Variants in CNTN1 observed in about 807,000 individuals in gnomAD.
CNTN1 encodes the protein contactin 1.
A neutral mutation model predicts 126.4 loss-of-function variants in CNTN1; 38 were observed. That is an observed-to-expected ratio of 0.30 (90% CI 0.23 to 0.39). The LOEUF is 0.39. Ranked by LOEUF, CNTN1 falls within the 10% of genes least tolerant of loss-of-function variation. CNTN1 has a pLI of 1.00. For synonymous variants in CNTN1, 413 were observed against 422.6 expected (o/e 0.98, Z 0.28); for missense variants, 1,009 against 1,248.4 (o/e 0.81, Z 2.89).
chr12:40,705,706 T>C (rs1430985367), intron 1 of CNTN1, among the ~76,000 whole-genome samples: 2 of 152,136 alleles, frequency 1.3e-5, no homozygotes, highest in African/African-American at 4.8e-5. Context: ...ACAAAATACC[T>C]GAGACTGGGT....
chr12:40,963,624 T>C (rs189532731), intron 15 of CNTN1, among the ~76,000 whole-genome samples: 1 of 152,182 alleles, frequency 6.6e-6, no homozygotes, highest in Admixed American at 6.5e-5. Flanking sequence ...TATGTTGCCT[T>C]ATATTGCCTT....
At chr12:40,963,359 A>G in intron 15 of CNTN1, among the ~76,000 whole-genome samples, 1 of 152,056 alleles carries the variant, frequency 6.6e-6, no homozygotes, top group East Asian at 1.9e-4. Flanking sequence ...TTTTTTTCCT[A>G]TGAAGAACAC....
intron 16 of CNTN1, among the ~76,000 whole-genome samples, chr12:40,986,804 T>C (rs1369573672): frequency 2.6e-5 from 4 of 152,178 alleles, no homozygotes; most frequent in Admixed American, 6.6e-5. Context: ...TGAGTACACA[T>C]GATGAAGGCC....
At chr12:40,899,893 G>T (rs886663869) in intron 1 of CNTN1, among the ~76,000 whole-genome samples, 11 of 151,916 alleles carry the variant, frequency 7.2e-5, no homozygotes, top group African/African-American at 2.2e-4. Flanking sequence ...GCAAAATACT[G>T]GTTTTTTAAA....
At chr12:40,949,046 T>A (rs1245371122) in intron 14 of CNTN1, among the ~76,000 whole-genome samples, 2 of 151,892 alleles carry the variant, frequency 1.3e-5, no homozygotes, top group Non-Finnish European at 2.9e-5. Flanking sequence ...TTTTCCTTTT[T>A]TAAAGAAAAA....
At chr12:40,979,771 A>G (rs1033174253) in intron 15 of CNTN1, among the ~76,000 whole-genome samples, 1 of 152,158 alleles carries the variant, frequency 6.6e-6, no homozygotes, top group Non-Finnish European at 1.5e-5. Context: ...TCAAAGCCCA[A>G]AAAGTTGTGT....
intron 1 of CNTN1, among the ~76,000 whole-genome samples, chr12:40,715,300 C>G (rs891536488): frequency 5.9e-5 from 9 of 152,106 alleles, no homozygotes; most frequent in East Asian, 1.9e-4. Flanking sequence ...TAAGTAGTAA[C>G]TTTAGTGCCA....
chr12:40,871,698 A>G (rs1253624179), intron 1 of CNTN1, among the ~76,000 whole-genome samples: 6 of 152,208 alleles, frequency 3.9e-5, no homozygotes, highest in African/African-American at 1.2e-4. Context: ...TACATTTCCA[A>G]AATAGAATTA....
intron 1 of CNTN1, among the ~76,000 whole-genome samples, chr12:40,733,688 AAATAT>A (rs1382236840): frequency 2.0e-5 from 3 of 152,034 alleles, no homozygotes; most frequent in Non-Finnish European, 4.4e-5. Flanking sequence ...AATACATTCT[AAATAT>A]TTTATATTTA....
At position 40,702,507 on chromosome 12, in the gene CNTN1, C is replaced by T. The variant is rs1029990510; in HGVS notation, c.-77+9915C>T. Reference sequence around the variant, plus strand: ...TTGCCCAGGCTGGAGTGCAATGGTGCGATCTCGGCTCCCCGCAACCTCTGC... The same window carrying T: ...TTGCCCAGGCTGGAGTGCAATGGTGTGATCTCGGCTCCCCGCAACCTCTGC... On this transcript the variant is annotated intron_variant, in intron 1 of 23. Coordinates refer to ENST00000551295, the MANE Select transcript of CNTN1 (RefSeq NM_001843.4). Among the ~76,000 whole-genome samples, 7 of 152,148 alleles carry T rather than the reference C, an allele frequency of 4.6e-5. No homozygotes were observed. In the East Asian group the frequency reaches 7.7e-4, roughly 17 times the overall value.
At chr12:40,946,377 T>C (rs762587943) in intron 14 of CNTN1, among the ~76,000 whole-genome samples, 7 of 152,142 alleles carry the variant, frequency 4.6e-5, no homozygotes, top group Non-Finnish European at 8.8e-5. Context: ...TCTTAAATAA[T>C]GATTTGGTAT....
chr12:40,695,427 C>G (rs571113649), intron 1 of CNTN1, among the ~76,000 whole-genome samples: 41 of 152,234 alleles, frequency 2.7e-4, no homozygotes, highest in African/African-American at 9.9e-4. Context: ...TATGTATTCT[C>G]TTGTATCTTG....
intron 1 of CNTN1, among the ~76,000 whole-genome samples, chr12:40,747,639 T>C (rs564627181): frequency 1.3e-5 from 2 of 151,980 alleles, no homozygotes; most frequent in Non-Finnish European, 2.9e-5. Context: ...GGATGGAGAA[T>C]AGCTTGCAGA....
intron 1 of CNTN1, among the ~76,000 whole-genome samples, chr12:40,720,737 G>A (rs1348085749): frequency 6.6e-6 from 1 of 152,006 alleles, no homozygotes; most frequent in Non-Finnish European, 1.5e-5. Flanking sequence ...GACCATCCTG[G>A]CCAACATGGT....
intron 16 of CNTN1, among the ~76,000 whole-genome samples, chr12:40,984,045 A>G (rs1172729786): frequency 2.7e-5 from 4 of 149,068 alleles, no homozygotes; most frequent in Non-Finnish European, 5.9e-5. Context: ...GATTAAATAT[A>G]TTACGCACAA....
At chr12:40,917,487 A>G (rs549195209) in intron 3 of CNTN1, among the ~76,000 whole-genome samples, 9 of 152,188 alleles carry the variant, frequency 5.9e-5, no homozygotes, top group Admixed American at 5.9e-4. Flanking sequence ...TTTAAATGAC[A>G]TAATGAAACT....
intron 1 of CNTN1, among the ~76,000 whole-genome samples, chr12:40,902,046 T>G (rs146730875): frequency 3.9e-5 from 6 of 152,334 alleles, no homozygotes; most frequent in African/African-American, 1.2e-4. Context: ...TGAAAGTGCT[T>G]AATTGACTTT....
rs1031078771 is a variant in CNTN1 at position 40,943,639 on chromosome 12, T to G, written c.1422T>G (p.Ile474Met). ...WEDGSLEINN[I>M]TRNDGGIYTC... ...ATGGTAGCTTGGAAATCAACAACAT[T>G]ACAAGGAATGATGGAGGTATCTATA... Residue 474 changes from isoleucine to methionine, a missense_variant, in exon 13 of 24, where the codon ATT (isoleucine) becomes ATG (methionine). Physicochemically the swap from Ile to Met is conservative, Grantham distance 10 (BLOSUM62 1). Transcript: ENST00000551295. The G allele has an allele frequency of 3.1e-6, 5 of 1,602,000 alleles. No homozygotes were observed. Among genetic ancestry groups the G allele is most frequent in the Non-Finnish European group, 4.3e-6 (5 of 1,169,268 alleles).
At chr12:40,916,240 T>G (rs995883635) in intron 3 of CNTN1, among the ~76,000 whole-genome samples, 2 of 152,110 alleles carry the variant, frequency 1.3e-5, no homozygotes, top group Non-Finnish European at 2.9e-5. Flanking sequence ...GATATATTGA[T>G]TTCTCTACTT....
Sources: allele counts gnomAD v4.1 joint callset (sites outside exome capture counted in the v4.1 genomes callset), GRCh38; gene constraint gnomAD v4.1.1; transcripts MANE v1.5; gene names NCBI Gene and HGNC (gene_info 2026-07-23, HGNC 2026-07-21).